Variants in ATP10A observed in about 807,000 individuals in gnomAD.
The protein encoded by ATP10A is phospholipid-transporting ATPase VA.
ATP10A carries 111 observed loss-of-function variants against 147.8 expected under a neutral mutation model. The observed-to-expected ratio is 0.75, with a 90% CI of 0.64 to 0.88. The LOEUF (loss-of-function observed/expected upper bound fraction) is 0.88, where lower values mean the gene tolerates loss of function less well. ATP10A is among the 40% of genes least tolerant of loss of function. The pLI, the probability that ATP10A is intolerant of heterozygous loss-of-function variation, is 0.00. For synonymous variants in ATP10A, 875 were observed against 841.6 expected (o/e 1.04, Z -0.69); for missense variants, 1,927 against 1,959.0 (o/e 0.98, Z 0.31).
At chr15:25,811,081 T>C (rs949938982) in intron 1 of ATP10A, among the ~76,000 whole-genome samples, 1 of 152,160 alleles carries the variant, frequency 6.6e-6, no homozygotes, top group Non-Finnish European at 1.5e-5. Context: ...CTTGCATTGA[T>C]TAAAGCCCAT....
chr15:25,820,662 G>A (rs1891842056), intron 1 of ATP10A, among the ~76,000 whole-genome samples: 1 of 152,146 alleles, frequency 6.6e-6, no homozygotes, highest in African/African-American at 2.4e-5. Context: ...GTTTTAAAAA[G>A]AGTACAATAA....
intron 1 of ATP10A, among the ~76,000 whole-genome samples, chr15:25,782,786 C>A (rs1281496382): frequency 2.6e-5 from 4 of 152,148 alleles, no homozygotes; most frequent in African/African-American, 9.7e-5. Context: ...CGGTTTTGGC[C>A]ATTTTTAAAT....
chr15:25,842,091 CCTGGGT>C (rs1892834685), intron 1 of ATP10A, among the ~76,000 whole-genome samples: 1 of 152,142 alleles, frequency 6.6e-6, no homozygotes, highest in African/African-American at 2.4e-5. Flanking sequence ...GGCAAAAGCC[CCTGGGT>C]CTGGGTCTCC....
chr15:25,783,199 T>C (rs2140715438), intron 1 of ATP10A, among the ~76,000 whole-genome samples: 1 of 152,142 alleles, frequency 6.6e-6, no homozygotes, highest in African/African-American at 2.4e-5. Context: ...AAATCTGTCC[T>C]CTGGGTGATA....
In ATP10A at chr15:25,683,412, A is replaced by G; in HGVS notation, c.3366T>C (p.Tyr1122=). ...AGAAGAGCAGATTAAAGAAGATTAG[A>G]TACCACTGGTCAATCATGGTAGATG... ...FSASTMIDQW[Y]LIFFNLLFSS... Residue 1122 remains tyrosine (Y), a synonymous_variant, in exon 17 of 21, where the codon TAT becomes TAC. Coordinates refer to ENST00000555815, the MANE Select transcript of ATP10A (RefSeq NM_024490.4). 1 of 1,614,126 alleles carries G rather than the reference A, an allele frequency of 6.2e-7. No individual in the cohort carries two copies. The highest frequency in any genetic ancestry group is 1.3e-5 in the African/African-American group (1 of 75,042).
At chr15:25,813,745 T>G (rs1052265007) in intron 1 of ATP10A, among the ~76,000 whole-genome samples, 1 of 151,874 alleles carries the variant, frequency 6.6e-6, no homozygotes, top group African/African-American at 2.4e-5. Context: ...ATGTCTCAGA[T>G]GAAAAACCCA....
chr15:25,714,228 A>T lies in ATP10A; in HGVS notation c.1790T>A (p.Phe597Tyr). The T allele has an allele frequency of 6.3e-7, 1 of 1,599,638 alleles. No individual in the cohort carries two copies. The highest frequency in any genetic ancestry group is 2.2e-5 in the East Asian group (1 of 44,826). Residue 597 changes from phenylalanine (F) to tyrosine (Y), a missense_variant, in exon 10 of 21, where the codon TTT becomes TAT. Phe to Tyr is a conservative substitution (Grantham distance 22, BLOSUM62 3). Coordinates refer to ENST00000555815, the MANE Select transcript of ATP10A (RefSeq NM_024490.4). Reference sequence around the variant, plus strand: ...CGTCTTCACCGGGGACTTCAGCTCAAACCTCACCCTCACCTGCAAGAGAAA... The same window carrying T: ...CGTCTTCACCGGGGACTTCAGCTCATACCTCACCCTCACCTGCAAGAGAAA... ...DQPRTKVRVR[F>Y]ELKSPVKTIE...
chr15:25,738,443 A>G (rs1395445084), intron 2 of ATP10A: 1 of 152,236 alleles, frequency 6.6e-6, no homozygotes, highest in Non-Finnish European at 1.5e-5. Context: ...ACTGAACTGT[A>G]CACTCACAAA....
rs200087573 is a variant in ATP10A at position 25,736,009 on chromosome 15, T to G, written c.740+47A>C. ...GAGAATGTGTAAACACCTGCCTATGTAGTTATCAAACAGAAGGATGCGCGC... is the reference window on the plus strand; with the variant it reads ...GAGAATGTGTAAACACCTGCCTATGGAGTTATCAAACAGAAGGATGCGCGC... On this transcript the variant is annotated intron_variant, in intron 3 of 20. Coordinates refer to ENST00000555815, the MANE Select transcript of ATP10A (RefSeq NM_024490.4). 358 of 1,429,648 alleles carry G rather than the reference T, an allele frequency of 2.5e-4. 1 individual carries two copies. In the Admixed American group the frequency reaches 5.7e-3, roughly 23 times the overall value. 88.6% of individuals were successfully genotyped at this position (1,429,648 alleles called of 1,614,324 possible). A position where few individuals can be genotyped will look rare whatever the true frequency, so the allele number is the denominator to read the frequency against.
chr15:25,806,438 G>A (rs12595802), intron 1 of ATP10A, among the ~76,000 whole-genome samples: 81,086 of 151,040 alleles, frequency 0.54, 22,979 homozygotes, highest in East Asian at 0.8. Flanking sequence ...TCAGCCTCCC[G>A]AATACCTGGG....
Position 25,708,106 on chromosome 15 carries a change from T to C in ATP10A, c.2449-4A>G, listed in dbSNP as rs1365389232. 6.2e-7 allele frequency: 1 copy of C among 1,613,656 alleles called. No individual in the cohort carries two copies. The highest frequency in any genetic ancestry group is 8.5e-7 in the Non-Finnish European group (1 of 1,179,750). On this transcript the variant is annotated splice_polypyrimidine_tract_variant and splice_region_variant and intron_variant, in intron 11 of 20. Coordinates refer to ENST00000555815, the MANE Select transcript of ATP10A (RefSeq NM_024490.4). ...CATACTCTTCTTTACTCAGAACCTA[T>C]GGGAGATACATTGTTGAGTGCTGCA...
intron 2 of ATP10A, among the ~76,000 whole-genome samples, chr15:25,747,530 T>C (rs1213079339): frequency 1.3e-5 from 2 of 151,730 alleles, no homozygotes; most frequent in Non-Finnish European, 2.9e-5. Context: ...ATAAATTATA[T>C]AATAACAGAA....
At chr15:25,799,315 G>A (rs1338710506) in intron 1 of ATP10A, among the ~76,000 whole-genome samples, 3 of 152,070 alleles carry the variant, frequency 2.0e-5, no homozygotes, top group Non-Finnish European at 4.4e-5. Context: ...GGTCGGATTT[G>A]GGAGCTCGTC....
intron 3 of ATP10A, among the ~76,000 whole-genome samples, chr15:25,733,326 G>A (rs12913988): frequency 0.69 from 105,139 of 151,990 alleles, 38,897 homozygotes; most frequent in Non-Finnish European, 0.84. Flanking sequence ...ACTGGTATGG[G>A]GTTAAGACCT....
chr15:25,737,661 C>G (rs1887360255), intron 2 of ATP10A, among the ~76,000 whole-genome samples: 1 of 152,130 alleles, frequency 6.6e-6, no homozygotes. Flanking sequence ...CTGGCATGGG[C>G]TGAACTGGAG....
At chr15:25,675,181 G>C (rs1200559883), downstream of ATP10A, among the ~76,000 whole-genome samples, 1 of 152,142 alleles carries the variant, frequency 6.6e-6, no homozygotes, top group East Asian at 1.9e-4. Flanking sequence ...GAAGGTGTTG[G>C]TTTGTGCCAT....
intron 1 of ATP10A, among the ~76,000 whole-genome samples, chr15:25,831,085 C>A (rs915954291): frequency 1.3e-5 from 2 of 152,360 alleles, no homozygotes; most frequent in Middle Eastern, 3.4e-3. Context: ...CTCACCCCAC[C>A]TTCCCCACCA....
rs1425949809 is a variant in ATP10A, at chr15:25,727,077, AAAAAG to A, written c.847+78_847+82del. 30 of 1,157,244 alleles carry A rather than the reference AAAAAG, an allele frequency of 2.6e-5. 1 individual carries two copies. The South Asian group carries it at 3.0e-4, about 11-fold the overall frequency. 71.7% of individuals were successfully genotyped at this position (1,157,244 alleles called of 1,614,324 possible). ...TCTCAAAAAAAAAAAATGAAAAAGAAAAAAGAAAAGAAAACAGTGAGGGGAAGTGC... is the reference window on the plus strand; with the variant it reads ...TCTCAAAAAAAAAAAATGAAAAAGAAAAAAGAAAACAGTGAGGGGAAGTGC... On this transcript the variant is annotated intron_variant, in intron 4 of 20. Transcript: ENST00000555815.
Position 25,781,081 on chromosome 15 carries a change from C to T in ATP10A, c.592G>A (p.Ala198Thr), listed in dbSNP as rs767762690. 9.9e-6 allele frequency: 16 copies of T among 1,614,050 alleles called. No individual in the cohort carries two copies. In the East Asian group the frequency reaches 1.1e-4, roughly 11 times the overall value. ...DPDGLCHIETANLDGETNLKR... is the reference protein window; with the variant it reads ...DPDGLCHIETTNLDGETNLKR... ...AGGTTGGTCTCTCCATCCAGGTTGG[C>T]GGTCTCGATGTGGCATAGCCCGTCG... The change falls in exon 2 of 21, where the codon GCC becomes ACC. Residue 198 changes from alanine to threonine, a missense_variant. By Grantham distance (58) the Ala-to-Thr change is moderately conservative (BLOSUM62 0). Coordinates refer to ENST00000555815, the MANE Select transcript of ATP10A (RefSeq NM_024490.4).
Sources: allele counts gnomAD v4.1 joint callset (sites outside exome capture counted in the v4.1 genomes callset), GRCh38; gene constraint gnomAD v4.1.1; transcripts MANE v1.5; gene names NCBI Gene and HGNC (gene_info 2026-07-23, HGNC 2026-07-21).